TFDP2: variants seen among roughly 807,000 people sequenced by gnomAD.
The protein encoded by TFDP2 is transcription factor Dp-2.
TFDP2 carries 17 observed loss-of-function variants against 59.3 expected under a neutral mutation model. The ratio of observed to expected loss-of-function variants is 0.29; its 90% confidence interval spans 0.20 to 0.43. The LOEUF (loss-of-function observed/expected upper bound fraction) is 0.43, where lower values mean the gene tolerates loss of function less well. Ranked by LOEUF, TFDP2 falls within the 20% of genes least tolerant of loss-of-function variation. TFDP2 has a pLI of 1.00. For missense variants in TFDP2, 391 were observed against 528.8 expected, an observed-to-expected ratio of 0.74 and a Z score of 2.56; for synonymous variants, 180 against 194.7, an observed-to-expected ratio of 0.92 and a Z score of 0.63.
chr3:142,148,270 T>C (rs1020779466), intron 1 of TFDP2, among the ~76,000 whole-genome samples: 1 of 151,800 alleles, frequency 6.6e-6, no homozygotes, highest in African/African-American at 2.4e-5. Flanking sequence ...TGAGATGGAA[T>C]GAGGAAAAGA....
intron 7 of TFDP2, 72 bp downstream of exon 7, chr3:141,978,448 A>C: frequency 6.9e-7 from 1 of 1,451,746 alleles, no homozygotes; most frequent in Non-Finnish European, 9.3e-7. Context: ...GATTCCTCAA[A>C]TCTATAACAA....
chr3:142,138,310 C>T (rs998363401), intron 1 of TFDP2, among the ~76,000 whole-genome samples: 1 of 152,076 alleles, frequency 6.6e-6, no homozygotes, highest in South Asian at 2.1e-4. Flanking sequence ...TTGATCTTTT[C>T]AAAAAAACCA....
At position 141,974,907 on chromosome 3, in the gene TFDP2, C is replaced by CTTTTTTTTTTTTTTTTT. The variant is rs753702830; in HGVS notation, c.520-733_520-717dup. Among the ~76,000 whole-genome samples, 17 of 90,484 alleles carry CTTTTTTTTTTTTTTTTT rather than the reference C, an allele frequency of 1.9e-4. 1 individual carries two copies. Among genetic ancestry groups the CTTTTTTTTTTTTTTTTT allele is most frequent in the East Asian group, 3.2e-4 (1 of 3,130 alleles). 59.4% of individuals were successfully genotyped at this position (90,484 alleles called of 152,430 possible). ...TCAGCTGACCATTTTTCTTCTTCTT[C>CTTTTTTTTTTTTTTTTT]TTTTTTTTTTTTTTTTTTTTTTTTG... On this transcript the variant is annotated intron_variant, in intron 7 of 12. Coordinates refer to ENST00000489671, the MANE Select transcript of TFDP2 (RefSeq NM_001178139.2).
At chr3:141,989,705 C>G (rs930504071) in intron 6 of TFDP2, among the ~76,000 whole-genome samples, 1 of 152,122 alleles carries the variant, frequency 6.6e-6, no homozygotes, top group African/African-American at 2.4e-5. Flanking sequence ...TGGAGCCTCT[C>G]TGTGACAATG....
intron 2 of TFDP2, 97 bp downstream of exon 2, chr3:142,101,638 A>C: frequency 1.3e-6 from 1 of 773,022 alleles, no homozygotes. Context: ...CATGCAAGTA[A>C]ATTAAATCTG....
intron 3 of TFDP2, among the ~76,000 whole-genome samples, chr3:142,026,316 AAACAAAAAAAC>A (rs935012152): frequency 1.3e-5 from 2 of 149,700 alleles, no homozygotes; most frequent in African/African-American, 2.4e-5. Flanking sequence ...CGTCTCAAAA[AAACAAAAAAAC>A]AACAAAAAAA....
At chr3:142,013,802 T>C (rs1357954425) in intron 3 of TFDP2, among the ~76,000 whole-genome samples, 1 of 151,494 alleles carries the variant, frequency 6.6e-6, no homozygotes, top group East Asian at 1.9e-4. Flanking sequence ...CTTTAGGGGG[T>C]TCCAGTTACA....
intron 3 of TFDP2, among the ~76,000 whole-genome samples, chr3:142,021,347 C>T (rs1032430174): frequency 2.0e-5 from 3 of 152,158 alleles, no homozygotes; most frequent in Non-Finnish European, 4.4e-5. Context: ...CTACATATCA[C>T]ATACACGGAA....
At position 142,101,787 on chromosome 3, in the gene TFDP2, T is replaced by C. The variant is rs1391205004; in HGVS notation, c.-38A>G. 4 of 1,236,762 alleles carry C rather than the reference T, an allele frequency of 3.2e-6. No individual in the cohort carries two copies. Among genetic ancestry groups the C allele is most frequent in the Non-Finnish European group, 4.3e-6 (4 of 940,336 alleles). The allele number at this position is 1,236,762 out of a possible 1,614,324, so 76.6% of individuals were successfully genotyped here. A position where few individuals can be genotyped will look rare whatever the true frequency, so the allele number is the denominator to read the frequency against. On this transcript the variant is annotated 5_prime_UTR_variant, in exon 2 of 13. Coordinates refer to ENST00000489671, the MANE Select transcript of TFDP2 (RefSeq NM_001178139.2). The stretch of plus-strand genomic sequence containing the variant: ...TCTATTTAAGATTCTGTAAAGCCAT[T>C]AAAAAAATAAAAAGAAAAAAACCTT...
intron 9 of TFDP2, among the ~76,000 whole-genome samples, chr3:141,968,365 C>CATATATATAACAT (rs1223038281): frequency 1.2e-5 from 1 of 86,606 alleles, no homozygotes; most frequent in African/African-American, 4.0e-5. Flanking sequence ...ACATATATCT[C>CATATATATAACAT]ATATATAACA....
intron 4 of TFDP2, 44 bp downstream of exon 4, chr3:142,005,397 T>C: frequency 6.9e-7 from 1 of 1,453,210 alleles, no homozygotes; most frequent in Non-Finnish European, 9.6e-7. Context: ...AAATTAGTCT[T>C]GGCTAAACAA....
intron 3 of TFDP2, among the ~76,000 whole-genome samples, chr3:142,078,760 A>G (rs1398581913): frequency 6.6e-6 from 1 of 152,162 alleles, no homozygotes; most frequent in African/African-American, 2.4e-5. Context: ...ATCCACAAGC[A>G]CCAAGACCAT....
chr3:142,100,490 A>G (rs1339058609), intron 2 of TFDP2, among the ~76,000 whole-genome samples: 2 of 152,120 alleles, frequency 1.3e-5, no homozygotes, highest in Admixed American at 6.5e-5. Context: ...CTCCTGCCTC[A>G]GCCTCCCGAG....
chr3:141,966,795 A>C (rs1041685290), intron 9 of TFDP2, among the ~76,000 whole-genome samples: 1 of 151,642 alleles, frequency 6.6e-6, no homozygotes, highest in African/African-American at 2.4e-5. Flanking sequence ...ATTACCAAAA[A>C]TAAAAGAGAG....
chr3:142,036,097 C>CTAG, intron 3 of TFDP2, among the ~76,000 whole-genome samples: 1 of 152,154 alleles, frequency 6.6e-6, no homozygotes, highest in African/African-American at 2.4e-5. Flanking sequence ...TCCATTTGTG[C>CTAG]CAAGTAAACT....
At chr3:141,980,591 G>A (rs1470270292) in intron 6 of TFDP2, among the ~76,000 whole-genome samples, 8 of 152,038 alleles carry the variant, frequency 5.3e-5, no homozygotes, top group Admixed American at 2.0e-4. Flanking sequence ...CCCCTAGGCT[G>A]GAGTGCAGTG....
intron 3 of TFDP2, 176 bp downstream of exon 3, chr3:142,092,885 A>G: frequency 2.2e-6 from 1 of 446,228 alleles, no homozygotes. Flanking sequence ...ACACACAAAA[A>G]TCCTCCGTCT....
intron 1 of TFDP2, among the ~76,000 whole-genome samples, chr3:142,116,013 G>C (rs2061841914): frequency 1.3e-5 from 2 of 151,892 alleles, no homozygotes; most frequent in South Asian, 2.1e-4. Flanking sequence ...GTTACCACTT[G>C]GGGGAAGTTG....
At chr3:141,981,726 G>C (rs1444014842) in intron 6 of TFDP2, among the ~76,000 whole-genome samples, 1 of 152,162 alleles carries the variant, frequency 6.6e-6, no homozygotes, top group Admixed American at 6.5e-5. Flanking sequence ...TTTGGAATCA[G>C]AATTAGTAAC....
Sources: allele counts gnomAD v4.1 joint callset (sites outside exome capture counted in the v4.1 genomes callset), GRCh38; gene constraint gnomAD v4.1.1; transcripts MANE v1.5; gene names NCBI Gene and HGNC (gene_info 2026-07-23, HGNC 2026-07-21).